Variants in PC observed in about 807,000 individuals in gnomAD.
PC encodes the protein pyruvate carboxylase, mitochondrial.
In PC, 46 loss-of-function variants were observed where a neutral mutation model predicts 107.8. The observed-to-expected ratio is 0.43, with a 90% CI of 0.34 to 0.55. The LOEUF is 0.55. Ranked by LOEUF, PC falls within the 20% of genes least tolerant of loss-of-function variation. The probability of loss-of-function intolerance (pLI) is 0.04; values close to 1 mark genes in which losing one functional copy is unlikely to be tolerated. For missense variants in PC, 1,241 were observed against 1,643.1 expected (o/e 0.76, Z 4.23); for synonymous variants, 662 against 684.7 (o/e 0.97, Z 0.52).
At chr11:66,941,091 A>AAG (rs1949118340) in intron 3 of PC, among the ~76,000 whole-genome samples, 1 of 151,578 alleles carries the variant, frequency 6.6e-6, no homozygotes, top group South Asian at 2.1e-4. Flanking sequence ...AAAAAAAAAA[A>AAG]AAAAAAAAAG....
chr11:66,953,080 G>A (rs531089448), intron 2 of PC, among the ~76,000 whole-genome samples: 1 of 152,272 alleles, frequency 6.6e-6, no homozygotes, highest in Non-Finnish European at 1.5e-5. Context: ...GCCTGGCACA[G>A]AGGACACACT....
At chr11:66,877,793 A>T (rs1222357387) in intron 3 of PC, among the ~76,000 whole-genome samples, 3 of 152,216 alleles carry the variant, frequency 2.0e-5, no homozygotes, top group African/African-American at 7.2e-5. Flanking sequence ...TTGTGATGTA[A>T]TGTGAAGCCA....
chr11:66,948,833 G>A (rs1208027775), intron 3 of PC, among the ~76,000 whole-genome samples: 2 of 151,894 alleles, frequency 1.3e-5, no homozygotes, highest in Non-Finnish European at 2.9e-5. Context: ...GAATCAGACC[G>A]TCTCAAAATA....
At chr11:66,875,889 G>T (rs145682795) in intron 3 of PC, among the ~76,000 whole-genome samples, 9 of 152,270 alleles carry the variant, frequency 5.9e-5, no homozygotes, top group African/African-American at 1.9e-4. Context: ...CACTAGCACC[G>T]AAGGGATACC....
At chr11:66,927,045 C>A (rs1340283601) in intron 3 of PC, among the ~76,000 whole-genome samples, 1 of 149,538 alleles carries the variant, frequency 6.7e-6, no homozygotes, top group Admixed American at 6.8e-5. Context: ...GGCTGGAGTG[C>A]AATGGCATGA....
chr11:66,851,898 C>A lies in PC; in HGVS notation c.1874G>T (p.Arg625Leu). ...GAGCTCCCGGAGCTCCTGCAGCCGC[C>A]GCCAGGGGCACTCATACAGGAAGCG... ...AMRFLYECPW[R>L]RLQELRELIP... The change falls in exon 16 of 23, where the codon CGG becomes CTG. Residue 625 changes from arginine to leucine, a missense_variant. Arg to Leu is a moderately radical substitution (Grantham distance 102, BLOSUM62 -2). Coordinates refer to ENST00000393960, the MANE Select transcript of PC (RefSeq NM_001040716.2). 1 of 1,614,106 alleles carries A rather than the reference C, an allele frequency of 6.2e-7. No homozygotes were observed. The highest frequency in any genetic ancestry group is 8.5e-7 in the Non-Finnish European group (1 of 1,180,020).
Position 66,857,069 on chromosome 11 carries a change from C to G in PC, c.1369-3686G>C, listed in dbSNP as rs1039866669. On this transcript the variant is annotated intron_variant, in intron 12 of 22. Coordinates refer to ENST00000393960, the MANE Select transcript of PC (RefSeq NM_001040716.2). This position sits in a 1 kb window ranked among gnomAD's most constrained non-coding sequence, Gnocchi z 7.1. ...TGTCCGCGGCGCGCGCGCCCGCCGG[C>G]GCGCACCCGCTCGCCTGTCGCCGCC... 3.4e-5 allele frequency: 5 copies of G among 146,950 alleles called. No individual in the cohort carries two copies. Among genetic ancestry groups the G allele is most frequent in the South Asian group, 2.1e-4 (1 of 4,832 alleles). The allele number at this position is 146,950 out of a possible 1,614,324, so 9.1% of individuals were successfully genotyped here.
intron 3 of PC, among the ~76,000 whole-genome samples, chr11:66,875,147 G>A (rs1398095948): frequency 6.6e-6 from 1 of 151,668 alleles, no homozygotes; most frequent in African/African-American, 2.4e-5. Flanking sequence ...GATCTCTCTG[G>A]ACTGGCGAGC....
intron 12 of PC, chr11:66,860,346 C>G: frequency 1.7e-6 from 2 of 1,176,080 alleles, no homozygotes; most frequent in Non-Finnish European, 2.4e-6. Context: ...GCCCTTTCCT[C>G]GGTTCTGGCC....
intron 3 of PC, among the ~76,000 whole-genome samples, chr11:66,923,100 C>T (rs1384733699): frequency 6.6e-6 from 1 of 152,078 alleles, no homozygotes; most frequent in African/African-American, 2.4e-5. Context: ...GGCGCGGTGG[C>T]TCACGCCTGT....
chr11:66,857,064 G>C lies in PC; in HGVS notation c.1369-3681C>G, dbSNP rs1476044115. On this transcript the variant is annotated intron_variant, in intron 12 of 22. Transcript: ENST00000393960. This position sits in a 1 kb window ranked among gnomAD's most constrained non-coding sequence, Gnocchi z 7.1. ...GTGCGTGTCCGCGGCGCGCGCGCCC[G>C]CCGGCGCGCACCCGCTCGCCTGTCG... 6.8e-6 allele frequency: 1 copy of C among 146,838 alleles called. No individual in the cohort carries two copies. Among genetic ancestry groups the C allele is most frequent in the Non-Finnish European group, 1.5e-5 (1 of 65,962 alleles). The allele number at this position is 146,838 out of a possible 1,614,324, so 9.1% of individuals were successfully genotyped here. A position where few individuals can be genotyped will look rare whatever the true frequency, so the allele number is the denominator to read the frequency against.
chr11:66,938,197 A>AT (rs1949044475), intron 3 of PC, among the ~76,000 whole-genome samples: 1 of 152,184 alleles, frequency 6.6e-6, no homozygotes, highest in African/African-American at 2.4e-5. Flanking sequence ...TGCATGCCTC[A>AT]TAACTTTTTG....
At chr11:66,942,399 C>CA (rs577741732) in intron 3 of PC, among the ~76,000 whole-genome samples, 143 of 86,752 alleles carry the variant, frequency 1.6e-3, no homozygotes, top group East Asian at 0.011. Flanking sequence ...GACTCCATCT[C>CA]AAAAAAAAAA....
At chr11:66,950,551 AGG>A (rs1425908064) in intron 3 of PC, among the ~76,000 whole-genome samples, 14 of 152,272 alleles carry the variant, frequency 9.2e-5, no homozygotes, top group African/African-American at 3.4e-4. Flanking sequence ...AGAGGAGGGG[AGG>A]GTGACAAGCT....
At chr11:66,889,966 A>G (rs1157582400) in intron 3 of PC, among the ~76,000 whole-genome samples, 1 of 152,206 alleles carries the variant, frequency 6.6e-6, no homozygotes, top group Non-Finnish European at 1.5e-5. Flanking sequence ...AATACAGTAG[A>G]CCTACTTCAC....
rs1461081432 is a variant in PC, at chr11:66,870,934, AGC to A, written c.634-44_634-43del. The A allele has an allele frequency of 1.2e-6, 2 of 1,603,746 alleles. No homozygotes were observed. The highest frequency in any genetic ancestry group is 1.7e-6 in the Non-Finnish European group (2 of 1,173,890). ...GGGCCAGCCAGACCTCAGACCCCAC[AGC>A]GCTACCTCTCCCCTGCCATGAACCC... On this transcript the variant is annotated intron_variant, in intron 7 of 22. Transcript: ENST00000393960. This position sits in a 1 kb window ranked among gnomAD's most constrained non-coding sequence, Gnocchi z 6.1.
In PC at chr11:66,871,554, C is replaced by T. The variant is rs1190594790; in HGVS notation, c.322-74G>A. The T allele has an allele frequency of 6.2e-7, 1 of 1,600,124 alleles. No individual in the cohort carries two copies. The highest frequency in any genetic ancestry group is 1.3e-5 in the African/African-American group (1 of 74,698). On this transcript the variant is annotated intron_variant, in intron 5 of 22. Transcript: ENST00000393960. This position sits in a 1 kb window ranked among gnomAD's most constrained non-coding sequence, Gnocchi z 7.4. Reference sequence around the variant, plus strand: ...GGCCTCGGCCAGCCTCTTCCCCTGCCTAACCTGCTGAGCTGCATCCGTTTA... The same window carrying T: ...GGCCTCGGCCAGCCTCTTCCCCTGCTTAACCTGCTGAGCTGCATCCGTTTA...
rs1591327542 is a variant in PC, at chr11:66,956,380, T to C, written c.-228+1942A>G. On this transcript the variant is annotated intron_variant, in intron 1 of 22. Transcript: ENST00000393960. ...TGGGCGGATCACCTGAGGTCAGGAG[T>C]TCAAGACCAGCCTGGCCAACATGGT... is the stretch of plus-strand genomic sequence containing the variant. 4.7e-5 allele frequency among the ~76,000 whole-genome samples: 7 copies of C among 150,398 alleles called. No individual in the cohort carries two copies. In the South Asian group the frequency reaches 1.5e-3, roughly 32 times the overall value.
At chr11:66,939,384 G>T (rs1949069789) in intron 3 of PC, among the ~76,000 whole-genome samples, 1 of 151,740 alleles carries the variant, frequency 6.6e-6, no homozygotes, top group South Asian at 2.1e-4. Context: ...GCATCCATAG[G>T]GGGGTCTTGG....
Sources: gnomAD v4.1 joint callset for allele counts (sites outside exome capture counted in the v4.1 genomes callset) on GRCh38, gnomAD v4.1.1 for gene constraint, Gnocchi (gnomAD v3.1) non-coding constraint, MANE v1.5 for transcripts, NCBI Gene and HGNC (gene_info 2026-07-23, HGNC 2026-07-21) for gene names.